Variants in C7orf78 observed in about 807,000 individuals in gnomAD.
The protein encoded by C7orf78 is chromosome 7 open reading frame 78.
the C7orf78 span, among the ~76,000 whole-genome samples, chr7:12,497,465 G>C: frequency 1.4e-5 from 1 of 70,762 alleles, no homozygotes; most frequent in African/African-American, 4.8e-5. Context: ...AGGGGTGACG[G>C]ACGGCACCTG....
At chr7:12,529,099 C>T in the C7orf78 span, 2 of 398,098 alleles carry the variant, frequency 5.0e-6, no homozygotes, top group South Asian at 1.3e-4. Context: ...CTGTTGTCGA[C>T]AATTGCTTTA....
chr7:12,504,427 C>T, the C7orf78 span: 1 of 152,282 alleles, frequency 6.6e-6, no homozygotes. Context: ...CTTAAATATA[C>T]TTTAGCTTCT....
the C7orf78 span, among the ~76,000 whole-genome samples, chr7:12,508,542 A>G: frequency 6.6e-6 from 1 of 152,230 alleles, no homozygotes; most frequent in East Asian, 1.9e-4. Flanking sequence ...TTGCAAAAAT[A>G]CAAACATGAG....
chr7:12,506,454 T>C, the C7orf78 span, among the ~76,000 whole-genome samples: 3 of 152,160 alleles, frequency 2.0e-5, no homozygotes, highest in African/African-American at 7.2e-5. Flanking sequence ...TGAAATACTA[T>C]GCAGCCATAA....
the C7orf78 span, among the ~76,000 whole-genome samples, chr7:12,511,183 A>C: frequency 6.6e-6 from 1 of 152,026 alleles, no homozygotes; most frequent in East Asian, 1.9e-4. Context: ...TGAGGAAGAT[A>C]AGTTAGCTGT....
the C7orf78 span, chr7:12,523,343 C>A: frequency 1.0e-5 from 4 of 398,296 alleles, no homozygotes; most frequent in African/African-American, 6.2e-5. Context: ...TCTGGATTTA[C>A]AAAAAGCAAA....
At chr7:12,516,087 A>T in the C7orf78 span, among the ~76,000 whole-genome samples, 1 of 152,196 alleles carries the variant, frequency 6.6e-6, no homozygotes, top group African/African-American at 2.4e-5. Flanking sequence ...GGTATGTCAG[A>T]TGTCTTCACA....
chr7:12,513,361 T>C, the C7orf78 span, among the ~76,000 whole-genome samples: 1 of 152,108 alleles, frequency 6.6e-6, no homozygotes. Context: ...CTGCTGTTGT[T>C]GCTCTTGTTT....
chr7:12,507,428 C>A, the C7orf78 span: 1 of 192,090 alleles, frequency 5.2e-6, no homozygotes, highest in Non-Finnish European at 1.1e-5. Flanking sequence ...AAAAAGCCAT[C>A]CAGTGATGAG....
At chr7:12,501,534 G>C in the C7orf78 span, among the ~76,000 whole-genome samples, 1 of 148,246 alleles carries the variant, frequency 6.7e-6, no homozygotes, top group African/African-American at 2.5e-5. Context: ...GGGATGTGAA[G>C]GACCTCTTCA....
the C7orf78 span, among the ~76,000 whole-genome samples, chr7:12,494,600 T>G: frequency 2.1e-5 from 3 of 144,908 alleles, no homozygotes; most frequent in South Asian, 4.5e-4. Flanking sequence ...TTAGGTGTAT[T>G]TTACTCATGC....
chr7:12,489,270 G>T, the C7orf78 span, among the ~76,000 whole-genome samples: 1 of 60,704 alleles, frequency 1.6e-5, no homozygotes, highest in East Asian at 4.1e-4. Flanking sequence ...TCATCTGGAT[G>T]GTTATTTATA....
At chr7:12,534,859 C>T in the C7orf78 span, among the ~76,000 whole-genome samples, 4 of 151,874 alleles carry the variant, frequency 2.6e-5, no homozygotes, top group African/African-American at 4.8e-5. Context: ...GAGGCTGAGG[C>T]GGGAGATTTA....
the C7orf78 span, among the ~76,000 whole-genome samples, chr7:12,517,058 G>T: frequency 1.3e-5 from 2 of 152,132 alleles, no homozygotes; most frequent in African/African-American, 2.4e-5. Context: ...GCCAGGGGTG[G>T]AATGACATAG....
At chr7:12,531,077 AG>A in the C7orf78 span, 2 of 398,378 alleles carry the variant, frequency 5.0e-6, no homozygotes, top group Admixed American at 8.8e-5. Flanking sequence ...AAGTTTACAA[AG>A]ATATGCAAGA....
the C7orf78 span, among the ~76,000 whole-genome samples, chr7:12,495,041 T>C: frequency 6.6e-6 from 1 of 152,098 alleles, no homozygotes; most frequent in African/African-American, 2.4e-5. Flanking sequence ...ATTGATAAAA[T>C]TGCTCTCAGG....
the C7orf78 span, among the ~76,000 whole-genome samples, chr7:12,537,855 C>A: frequency 6.6e-6 from 1 of 152,120 alleles, no homozygotes; most frequent in Non-Finnish European, 1.5e-5. Context: ...ATGAGTCTCA[C>A]AAACATACTT....
At chr7:12,489,059 T>C in the C7orf78 span, among the ~76,000 whole-genome samples, 2 of 151,968 alleles carry the variant, frequency 1.3e-5, no homozygotes, top group African/African-American at 4.8e-5. Flanking sequence ...GTGAAGATAT[T>C]TGCAATATAA....
At chr7:12,503,574 A>G in the C7orf78 span, among the ~76,000 whole-genome samples, 1 of 151,942 alleles carries the variant, frequency 6.6e-6, no homozygotes, top group African/African-American at 2.4e-5. Context: ...TTCATTACAC[A>G]ATGTCTACTT....
Sources: allele counts gnomAD v4.1 joint callset (sites outside exome capture counted in the v4.1 genomes callset), GRCh38; gene constraint gnomAD v4.1.1; transcripts MANE v1.5; gene names NCBI Gene and HGNC (gene_info 2026-07-23, HGNC 2026-07-21).